PPP2R2C: variants seen among roughly 807,000 people sequenced by gnomAD.
The protein encoded by PPP2R2C is protein phosphatase 2 regulatory subunit Bgamma.
Under a neutral mutation model 45.3 loss-of-function variants are expected in PPP2R2C, and 10 were observed. The ratio of observed to expected loss-of-function variants is 0.22; its 90% confidence interval spans 0.14 to 0.37. The LOEUF (loss-of-function observed/expected upper bound fraction) is 0.37. Ranked by LOEUF, PPP2R2C falls within the 10% of genes least tolerant of loss-of-function variation. PPP2R2C has a pLI of 1.00. For missense variants in PPP2R2C, 308 were observed against 619.7 expected (o/e 0.50, Z 5.34); for synonymous variants, 257 against 245.4 (o/e 1.05, Z -0.44).
intron 1 of PPP2R2C, among the ~76,000 whole-genome samples, chr4:6,447,190 G>A (rs1227168741): frequency 1.3e-5 from 2 of 152,122 alleles, no homozygotes; most frequent in Non-Finnish European, 2.9e-5. Flanking sequence ...GGGTAGAGAG[G>A]GTGGGAGCAT....
chr4:6,533,863 GA>G (rs1247340374), intron 2 of PPP2R2C, among the ~76,000 whole-genome samples: 1 of 151,990 alleles, frequency 6.6e-6, no homozygotes, highest in East Asian at 1.9e-4. Context: ...AGGTATGTGT[GA>G]ACACGCCCCC....
At chr4:6,503,160 A>G (rs941331372) in intron 2 of PPP2R2C, among the ~76,000 whole-genome samples, 1 of 152,188 alleles carries the variant, frequency 6.6e-6, no homozygotes, top group Non-Finnish European at 1.5e-5. Context: ...ACAGTGGCCC[A>G]GGGACCCCAG....
At chr4:6,447,079 C>T (rs900778015) in intron 1 of PPP2R2C, among the ~76,000 whole-genome samples, 2 of 152,064 alleles carry the variant, frequency 1.3e-5, no homozygotes, top group African/African-American at 4.8e-5. Flanking sequence ...AAGACAAAGA[C>T]CTGCTAGAGA....
At chr4:6,558,591 T>C (rs1188980008) in intron 1 of PPP2R2C, among the ~76,000 whole-genome samples, 2 of 152,168 alleles carry the variant, frequency 1.3e-5, no homozygotes, top group South Asian at 2.1e-4. Context: ...TCAAACTAGG[T>C]TGGATTTCAG....
intron 1 of PPP2R2C, among the ~76,000 whole-genome samples, chr4:6,467,908 C>G (rs1297153501): frequency 6.6e-6 from 1 of 152,128 alleles, no homozygotes; most frequent in Non-Finnish European, 1.5e-5. Flanking sequence ...TTCCCTGTTC[C>G]CATCACAAGA....
intron 2 of PPP2R2C, among the ~76,000 whole-genome samples, chr4:6,486,924 C>T (rs1178847335): frequency 6.6e-6 from 1 of 151,918 alleles, no homozygotes; most frequent in East Asian, 1.9e-4. Context: ...TCCCTTCTTT[C>T]TCCTTTTCTG....
chr4:6,475,446 G>A (rs951332658), upstream of PPP2R2C, among the ~76,000 whole-genome samples: 1 of 152,110 alleles, frequency 6.6e-6, no homozygotes, highest in African/African-American at 2.4e-5. Flanking sequence ...CAACCACAAT[G>A]CCAAAAGGGT....
In PPP2R2C at chr4:6,496,600, G is replaced by A. The variant is rs147950113; in HGVS notation, c.49+38671C>T. Among the ~76,000 whole-genome samples, 235 of 152,316 alleles carry A rather than the reference G, an allele frequency of 1.5e-3. 2 individuals are homozygous for A. The Middle Eastern group carries it at 0.027, about 18-fold the overall frequency. ...TGATAGGCTGGACACAGTGGCTCACGCCTGTAATCCCAACATTTTGAGAGG... is the reference window on the plus strand; with the variant it reads ...TGATAGGCTGGACACAGTGGCTCACACCTGTAATCCCAACATTTTGAGAGG... On this transcript the variant is annotated intron_variant, in intron 2 of 9. Transcript: ENST00000506140.
intron 1 of PPP2R2C, chr4:6,382,569 G>A: frequency 2.3e-6 from 3 of 1,312,002 alleles, no homozygotes; most frequent in East Asian, 4.6e-5. Flanking sequence ...CCAGTCTCAG[G>A]TGATGACAGC....
At chr4:6,391,320 C>T (rs1304420696) in intron 1 of PPP2R2C, among the ~76,000 whole-genome samples, 3 of 152,082 alleles carry the variant, frequency 2.0e-5, no homozygotes, top group Middle Eastern at 3.2e-3. Context: ...TCCTCCCTAC[C>T]GTGTAGAGGA....
At chr4:6,510,153 C>T (rs73207898) in intron 2 of PPP2R2C, among the ~76,000 whole-genome samples, 8,376 of 152,224 alleles carry the variant, frequency 0.055, 335 homozygotes, top group Non-Finnish European at 0.089. Flanking sequence ...ATCATGCCAC[C>T]CACCTGCTTC....
Position 6,323,122 on chromosome 4 carries a change from TG to T in PPP2R2C, c.*179del. 1 of 607,944 alleles carries T rather than the reference TG, an allele frequency of 1.6e-6. No individual in the cohort carries two copies. Among genetic ancestry groups the T allele is most frequent in the Non-Finnish European group, 2.6e-6 (1 of 377,784 alleles). The allele number at this position is 607,944 out of a possible 1,614,324, so 37.7% of individuals were successfully genotyped here. ...AGACAATTACTGCCAAACACAATTC[TG>T]GCCTAGGAAAGCTGGGGCAGGGAGG... On this transcript the variant is annotated 3_prime_UTR_variant, in exon 9 of 9. Coordinates refer to ENST00000382599, the MANE Select transcript of PPP2R2C (RefSeq NM_020416.4).
intron 1 of PPP2R2C, among the ~76,000 whole-genome samples, chr4:6,441,787 T>C (rs1309819999): frequency 6.6e-6 from 1 of 152,196 alleles, no homozygotes; most frequent in Admixed American, 6.5e-5. Context: ...TGCAACACGA[T>C]GGCCCCACTC....
chr4:6,423,758 G>A (rs962488693), intron 1 of PPP2R2C, among the ~76,000 whole-genome samples: 1 of 152,184 alleles, frequency 6.6e-6, no homozygotes, highest in Admixed American at 6.5e-5. Flanking sequence ...GAACCAGCTT[G>A]GTGTGTTTGA....
intron 2 of PPP2R2C, among the ~76,000 whole-genome samples, chr4:6,532,339 C>T (rs1293215387): frequency 6.6e-6 from 1 of 152,208 alleles, no homozygotes; most frequent in Non-Finnish European, 1.5e-5. Flanking sequence ...AGCCATGTTT[C>T]CTGATGCCCA....
intron 1 of PPP2R2C, among the ~76,000 whole-genome samples, chr4:6,536,083 A>C (rs1477139465): frequency 4.7e-5 from 7 of 149,702 alleles, no homozygotes; most frequent in African/African-American, 1.5e-4. Context: ...TCTTTTCCCC[A>C]CCTCACTCTG....
intron 1 of PPP2R2C, among the ~76,000 whole-genome samples, chr4:6,400,983 G>C (rs1360918789): frequency 6.6e-6 from 1 of 152,202 alleles, no homozygotes; most frequent in Non-Finnish European, 1.5e-5. Context: ...TGTGTCCAAA[G>C]TAGAGACGTT....
intron 1 of PPP2R2C, among the ~76,000 whole-genome samples, chr4:6,542,317 T>G (rs1724825557): frequency 2.0e-5 from 3 of 152,228 alleles, no homozygotes; most frequent in Admixed American, 2.0e-4. Flanking sequence ...TCAAAAAGAT[T>G]AATAAAGTCA....
intron 1 of PPP2R2C, among the ~76,000 whole-genome samples, chr4:6,430,959 G>A (rs909128410): frequency 2.6e-5 from 4 of 151,820 alleles, no homozygotes; most frequent in African/African-American, 9.7e-5. Context: ...AAAAAACTTT[G>A]CAGATCCCTG....
Sources: gnomAD v4.1 joint callset for allele counts (sites outside exome capture counted in the v4.1 genomes callset) on GRCh38, gnomAD v4.1.1 for gene constraint, MANE v1.5 for transcripts, NCBI Gene and HGNC (gene_info 2026-07-23, HGNC 2026-07-21) for gene names.